FGF13: variants seen among roughly 807,000 people sequenced by gnomAD.
The protein encoded by FGF13 is fibroblast growth factor homologous factor 2.
FGF13 carries 2 observed loss-of-function variants against 19.5 expected under a neutral mutation model. The ratio of observed to expected loss-of-function variants is 0.10; its 90% confidence interval spans 0.04 to 0.32. The LOEUF (loss-of-function observed/expected upper bound fraction) is 0.32, where lower values mean the gene tolerates loss of function less well. Among genes scored for constraint, FGF13 ranks in the 10% least tolerant of loss-of-function variants. The pLI, the probability that FGF13 is intolerant of heterozygous loss-of-function variation, is 1.00. For missense variants in FGF13, 113 were observed against 192.7 expected, an observed-to-expected ratio of 0.59 and a Z score of 2.45; for synonymous variants, 72 against 76.9, an observed-to-expected ratio of 0.94 and a Z score of 0.33.
intron 1 of FGF13, among the ~76,000 whole-genome samples, chrX:139,141,949 G>A (rs1418541425): frequency 9.0e-6 from 1 of 111,579 alleles, no homozygotes; most frequent in African/African-American, 3.3e-5. Context: ...GGTTTTGTGT[G>A]CCCTAGGACC....
At chrX:138,926,671 G>T (rs1057495523) in intron 1 of FGF13, among the ~76,000 whole-genome samples, 2 of 111,847 alleles carry the variant, frequency 1.8e-5, no homozygotes, top group African/African-American at 6.5e-5. Flanking sequence ...TAAAACAAGG[G>T]GCTGGGCACG....
intron 1 of FGF13, among the ~76,000 whole-genome samples, chrX:139,186,474 C>T (rs755052503): frequency 2.1e-4 from 24 of 112,092 alleles, no homozygotes; most frequent in African/African-American, 7.1e-4. Context: ...CCCACCGCAT[C>T]AGCTTTCTCA....
At chrX:139,015,751 A>T (rs1005757146) in intron 1 of FGF13, among the ~76,000 whole-genome samples, 1 of 111,870 alleles carries the variant, frequency 8.9e-6, no homozygotes, top group Admixed American at 9.5e-5. Flanking sequence ...GAATATCCAA[A>T]TAAATCCTGG....
At chrX:138,692,387 GTT>G (rs201393203) in intron 3 of FGF13, among the ~76,000 whole-genome samples, 1 of 95,930 alleles carries the variant, frequency 1.0e-5, no homozygotes, top group Non-Finnish European at 2.1e-5. Flanking sequence ...TTGTTGAGCT[GTT>G]TTTTTTTTTT....
intron 1 of FGF13, among the ~76,000 whole-genome samples, chrX:138,870,034 C>T (rs1161987604): frequency 2.7e-5 from 3 of 112,228 alleles, no homozygotes; most frequent in African/African-American, 9.7e-5. Flanking sequence ...TTGAAAGCCT[C>T]AAGTCATCAA....
intron 1 of FGF13, among the ~76,000 whole-genome samples, chrX:139,106,841 G>A (rs2083563761): frequency 1.8e-5 from 2 of 112,104 alleles, no homozygotes; most frequent in South Asian, 3.7e-4. Context: ...GAGGGCCAGA[G>A]AGGAGACCAA....
At position 138,994,500 on chromosome X, in the gene FGF13, T is replaced by C. The variant is rs141189395; in HGVS notation, c.-112-129850A>G. ...AATTTCAAATTTAAAAATAAATACA[T>C]TTTAAACAAATAATTCCCCTACTAT... is the stretch of plus-strand genomic sequence containing the variant. On this transcript the variant is annotated intron_variant, in intron 1 of 2. Transcript: ENST00000421460. 3.4e-4 allele frequency among the ~76,000 whole-genome samples: 38 copies of C among 111,805 alleles called. No individual in the cohort carries two copies. In the East Asian group the frequency reaches 0.01, roughly 31 times the overall value.
At chrX:138,929,269 C>G (rs867189640) in intron 1 of FGF13, among the ~76,000 whole-genome samples, 7 of 103,421 alleles carry the variant, frequency 6.8e-5, no homozygotes, top group African/African-American at 2.5e-4. Context: ...GTGTGTGTCT[C>G]TCTGTGTGTG....
chrX:138,823,266 C>G (rs753666426), intron 3 of FGF13, among the ~76,000 whole-genome samples: 1 of 110,977 alleles, frequency 9.0e-6, no homozygotes, highest in African/African-American at 3.3e-5. Context: ...GAAGGAGTCC[C>G]CAGAGAGACT....
rs564299009 is a variant in FGF13, at chrX:138,633,105, T to C, written c.602-119A>G. 6 of 699,893 alleles carry C rather than the reference T, an allele frequency of 8.6e-6. No individual in the cohort carries two copies. In the South Asian group the frequency reaches 2.0e-4, roughly 24 times the overall value. 57.7% of individuals were successfully genotyped at this position (699,893 alleles called of 1,213,427 possible). A position where few individuals can be genotyped will look rare whatever the true frequency, so the allele number is the denominator to read the frequency against. On this transcript the variant is annotated intron_variant, in intron 4 of 4. Coordinates refer to ENST00000315930, the MANE Select transcript of FGF13 (RefSeq NM_004114.5). ...ACACCTAAATGATAAGTATGTGAGGTAATGCATATGTTAATTAGCTTGATT... is the reference window on the plus strand; with the variant it reads ...ACACCTAAATGATAAGTATGTGAGGCAATGCATATGTTAATTAGCTTGATT...
chrX:138,719,718 C>G (rs2124271483), intron 1 of FGF13, among the ~76,000 whole-genome samples: 1 of 112,606 alleles, frequency 8.9e-6, no homozygotes, highest in Non-Finnish European at 1.9e-5. Flanking sequence ...TACTCGGAAG[C>G]CCATGACTAT....
intron 1 of FGF13, among the ~76,000 whole-genome samples, chrX:138,980,042 C>T (rs915686240): frequency 8.9e-6 from 1 of 111,907 alleles, no homozygotes; most frequent in East Asian, 2.8e-4. Context: ...ATGCAATATG[C>T]TGAAAGTTAT....
chrX:138,860,508 A>G (rs1207744743), intron 2 of FGF13, among the ~76,000 whole-genome samples: 1 of 111,883 alleles, frequency 8.9e-6, no homozygotes, highest in Non-Finnish European at 1.9e-5. Flanking sequence ...CCAATCTGGT[A>G]CATTCCCTTC....
At chrX:138,831,227 C>T (rs1224096612) in intron 3 of FGF13, among the ~76,000 whole-genome samples, 2 of 111,888 alleles carry the variant, frequency 1.8e-5, no homozygotes, top group Non-Finnish European at 3.8e-5. Context: ...TGCCTGGGGG[C>T]TTAATTAGAA....
At chrX:139,195,900 A>G (rs1267702297) in intron 1 of FGF13, among the ~76,000 whole-genome samples, 6 of 112,292 alleles carry the variant, frequency 5.3e-5, no homozygotes, top group African/African-American at 1.6e-4. Context: ...CTGTGGAGCT[A>G]CGCTTTGTTG....
At chrX:138,986,725 A>C (rs1296572221) in intron 1 of FGF13, among the ~76,000 whole-genome samples, 1 of 111,783 alleles carries the variant, frequency 8.9e-6, no homozygotes, top group Non-Finnish European at 1.9e-5. Context: ...TGACATACCA[A>C]CTAAATAAAT....
intron 1 of FGF13, among the ~76,000 whole-genome samples, chrX:138,885,611 C>G (rs1271373356): frequency 9.3e-6 from 1 of 107,672 alleles, no homozygotes; most frequent in Non-Finnish European, 1.9e-5. Context: ...CTGCTTGGAG[C>G]TCTCTGTGAG....
At chrX:139,054,899 G>GTTGTGTTGTATTGTATTGTATTGTA (rs1556347171) in intron 1 of FGF13, among the ~76,000 whole-genome samples, 126 of 98,934 alleles carry the variant, frequency 1.3e-3, no homozygotes, top group Admixed American at 3.7e-3. Context: ...GTTGTGTTGT[G>GTTGTGTTGTATTGTATTGTATTGTA]TTGTATTGTA....
chrX:138,687,667 G>A (rs189603917), intron 3 of FGF13, among the ~76,000 whole-genome samples: 1 of 111,427 alleles, frequency 9.0e-6, no homozygotes, highest in African/African-American at 3.3e-5. Context: ...CCAAAAGAAA[G>A]GAAATCAGCA....
Sources: gnomAD v4.1 joint callset for allele counts (sites outside exome capture counted in the v4.1 genomes callset) on GRCh38, gnomAD v4.1.1 for gene constraint, MANE v1.5 for transcripts, NCBI Gene and HGNC (gene_info 2026-07-23, HGNC 2026-07-21) for gene names.